ZSCAN2: variants seen among roughly 807,000 people sequenced by gnomAD.
ZSCAN2 encodes the protein zinc finger and SCAN domain-containing protein 2.
Under a neutral mutation model 47.8 loss-of-function variants are expected in ZSCAN2, and 26 were observed. The ratio of observed to expected loss-of-function variants is 0.54; its 90% confidence interval spans 0.40 to 0.75. The LOEUF (loss-of-function observed/expected upper bound fraction) is 0.75, where lower values mean the gene tolerates loss of function less well. ZSCAN2 is among the 30% of genes least tolerant of loss of function. The pLI is 0.00. For synonymous variants in ZSCAN2, 305 were observed against 288.7 expected, an observed-to-expected ratio of 1.06 and a Z score of -0.57; for missense variants, 732 against 785.4, an observed-to-expected ratio of 0.93 and a Z score of 0.81.
At chr15:84,616,391 A>G in intron 2 of ZSCAN2, 3 of 1,606,680 alleles carry the variant, frequency 1.9e-6, no homozygotes, top group Non-Finnish European at 1.7e-6. Flanking sequence ...CAAAGAAGCC[A>G]GCCCTGCTTA....
At chr15:84,617,725 C>T (rs186535198) in intron 2 of ZSCAN2, among the ~76,000 whole-genome samples, 2 of 152,250 alleles carry the variant, frequency 1.3e-5, no homozygotes, top group African/African-American at 4.8e-5. Context: ...TCACTCAAGC[C>T]CAGGACTTTG....
chr15:84,610,611 C>T (rs1468575511), intron 2 of ZSCAN2, among the ~76,000 whole-genome samples: 1 of 151,716 alleles, frequency 6.6e-6, no homozygotes, highest in Non-Finnish European at 1.5e-5. Context: ...CTCAGCCTCC[C>T]GAGTAGGTGG....
chr15:84,609,259 A>G (rs996457252), intron 2 of ZSCAN2, among the ~76,000 whole-genome samples: 6 of 151,454 alleles, frequency 4.0e-5, no homozygotes, highest in Non-Finnish European at 8.8e-5. Context: ...ATATATATAT[A>G]TACACATATA....
intron 2 of ZSCAN2, chr15:84,612,253 C>G (rs1895570950): frequency 6.6e-6 from 1 of 152,260 alleles, no homozygotes; most frequent in Non-Finnish European, 1.5e-5. Context: ...CTGTGTCTCT[C>G]TGGTCTTAGA....
intron 2 of ZSCAN2, among the ~76,000 whole-genome samples, chr15:84,618,282 G>C (rs926413930): frequency 2.6e-5 from 4 of 152,022 alleles, no homozygotes; most frequent in African/African-American, 9.7e-5. Context: ...GCTGGGCGTG[G>C]TGGTGTGCGC....
At chr15:84,609,025 A>G (rs937255761) in intron 2 of ZSCAN2, among the ~76,000 whole-genome samples, 1 of 152,222 alleles carries the variant, frequency 6.6e-6, no homozygotes, top group Non-Finnish European at 1.5e-5. Flanking sequence ...GTTGAGTGAA[A>G]GAGTCACAGC....
At position 84,622,416 on chromosome 15, in the gene ZSCAN2, A is replaced by T; in HGVS notation, c.*376A>T. The T allele has an allele frequency of 1.7e-6, 1 of 596,114 alleles. No homozygotes were observed. Among genetic ancestry groups the T allele is most frequent in the Non-Finnish European group, 3.0e-6 (1 of 329,506 alleles). 36.9% of individuals were successfully genotyped at this position (596,114 alleles called of 1,614,324 possible). On this transcript the variant is annotated 3_prime_UTR_variant, in exon 3 of 3. Coordinates refer to ENST00000546148, the MANE Select transcript of ZSCAN2 (RefSeq NM_181877.4). The stretch of plus-strand genomic sequence containing the variant: ...CACAACGTGGGCCGAGTCCTCAGAG[A>T]AATACTGGAAATCATTGGTGTGGTT...
intron 2 of ZSCAN2, among the ~76,000 whole-genome samples, chr15:84,606,070 G>T (rs1024768227): frequency 1.5e-4 from 23 of 152,240 alleles, no homozygotes; most frequent in African/African-American, 5.1e-4. Flanking sequence ...GGTGTTGGAA[G>T]TTGGGGATGC....
chr15:84,620,829 C>T lies in ZSCAN2; in HGVS notation c.634C>T (p.Leu212=), dbSNP rs1895799576. The change falls in exon 3 of 3, where the codon CTG becomes TTG. Residue 212 remains leucine, a synonymous_variant. Transcript: ENST00000546148. ...CAGGGAAGTTGGCCAGCTCATAGGC[C>T]TGCAGGGCACCTACCTAGGGGAGAA... ...QDREVGQLIG[L]QGTYLGEKPY... is the part of the protein sequence containing the mutation. The T allele has an allele frequency of 3.1e-6, 5 of 1,614,246 alleles. No homozygotes were observed. The East Asian group carries it at 1.1e-4, about 36-fold the overall frequency.
rs1895303468 is a variant in ZSCAN2 at position 84,604,201 on chromosome 15, G to A, written c.274G>A (p.Val92Ile). 6.2e-7 allele frequency: 1 copy of A among 1,613,790 alleles called. No individual in the cohort carries two copies. Among genetic ancestry groups the A allele is most frequent in the African/African-American group, 1.3e-5 (1 of 74,904 alleles). Residue 92 changes from valine (V) to isoleucine (I), a missense_variant, in exon 2 of 3, where the codon GTA (valine) becomes ATA (isoleucine). This residue lies in a region of ZSCAN2 where 320 missense variants were observed against 287.4 expected (regional missense o/e 1.11). Coordinates refer to ENST00000546148, the MANE Select transcript of ZSCAN2 (RefSeq NM_181877.4). ...ELCRRWLRPE[V>I]HTKEQMLTML... ...CTGCCGGCGCTGGCTGAGACCAGAG[G>A]TACACACCAAGGAGCAGATGTTAAC...
chr15:84,613,274 T>C (rs1274243601), intron 2 of ZSCAN2, among the ~76,000 whole-genome samples: 4 of 152,198 alleles, frequency 2.6e-5, no homozygotes, highest in African/African-American at 9.7e-5. Flanking sequence ...ATTTTGTTTA[T>C]TTGGTCTGAT....
At chr15:84,603,512 G>T (rs952595633) in intron 1 of ZSCAN2, among the ~76,000 whole-genome samples, 2 of 151,786 alleles carry the variant, frequency 1.3e-5, no homozygotes, top group African/African-American at 2.4e-5. Flanking sequence ...GGAACTACAG[G>T]CCCCCGCCAC....
rs780089820 is a variant in ZSCAN2, at chr15:84,621,963, G to A, written c.1768G>A (p.Glu590Lys). Residue 590 changes from glutamate to lysine, a missense_variant, in exon 3 of 3, where the codon GAG (glutamate) becomes AAG (lysine). Transcript: ENST00000546148. The surrounding 1 kb of genome is among the most constrained non-coding windows in gnomAD (Gnocchi z 5.7). ...TGGGGAGAAGCCCTACAAATGCCCCGAGTGTGGCAAAGGCTTCAGCAACAG... is the reference window on the plus strand; with the variant it reads ...TGGGGAGAAGCCCTACAAATGCCCCAAGTGTGGCAAAGGCTTCAGCAACAG... The part of the protein sequence containing the change: ...HTGEKPYKCP[E>K]CGKGFSNSSN... The A allele has an allele frequency of 8.3e-5, 134 of 1,614,068 alleles. No homozygotes were observed. Among genetic ancestry groups the A allele is most frequent in the Middle Eastern group, 1.6e-4 (1 of 6,084 alleles).
chr15:84,622,570 G>C lies in ZSCAN2; in HGVS notation c.*530G>C. On this transcript the variant is annotated 3_prime_UTR_variant, in exon 3 of 3. Transcript: ENST00000546148. The stretch of plus-strand genomic sequence containing the variant: ...TTCTGGCTTTGGTGTCTTGGGCTTT[G>C]ATTTCAGGTCAAGATGGAGGGGCTT... 1.4e-6 allele frequency: 1 copy of C among 715,588 alleles called. No individual in the cohort carries two copies. The highest frequency in any genetic ancestry group is 2.6e-6 in the Non-Finnish European group (1 of 384,260). The allele number at this position is 715,588 out of a possible 1,614,324, so 44.3% of individuals were successfully genotyped here. A position where few individuals can be genotyped will look rare whatever the true frequency, so the allele number is the denominator to read the frequency against.
intron 2 of ZSCAN2, among the ~76,000 whole-genome samples, chr15:84,618,374 C>T (rs762229902): frequency 1.3e-4 from 20 of 152,154 alleles, no homozygotes; most frequent in Admixed American, 5.2e-4. Context: ...GCCTAGATCT[C>T]GCCACTGCAG....
chr15:84,613,100 TTG>T (rs1247663197), intron 2 of ZSCAN2, among the ~76,000 whole-genome samples: 3 of 152,238 alleles, frequency 2.0e-5, no homozygotes, highest in Non-Finnish European at 4.4e-5. Flanking sequence ...TTATTGTATG[TTG>T]TGTCTCTTCT....
intron 1 of ZSCAN2, among the ~76,000 whole-genome samples, chr15:84,601,769 C>G (rs377606182): frequency 6.6e-6 from 1 of 152,002 alleles, no homozygotes; most frequent in Non-Finnish European, 1.5e-5. Flanking sequence ...TGGTCATGAA[C>G]TCCCGGCCTC....
intron 2 of ZSCAN2, among the ~76,000 whole-genome samples, chr15:84,606,076 G>A (rs1895372676): frequency 6.6e-6 from 1 of 152,196 alleles, no homozygotes; most frequent in Non-Finnish European, 1.5e-5. Context: ...GGAAGTTGGG[G>A]ATGCAGATGG....
intron 2 of ZSCAN2, among the ~76,000 whole-genome samples, chr15:84,619,586 A>T (rs73447297): frequency 6.6e-6 from 1 of 152,234 alleles, no homozygotes; most frequent in South Asian, 2.1e-4. Context: ...ATACAAAGTA[A>T]TGCGGTCATA....
Sources: gnomAD v4.1 joint callset for allele counts (sites outside exome capture counted in the v4.1 genomes callset) on GRCh38, gnomAD v4.1.1 for gene constraint, gnomAD v4.1.1 regional missense constraint, Gnocchi (gnomAD v3.1) non-coding constraint, MANE v1.5 for transcripts, NCBI Gene and HGNC (gene_info 2026-07-23, HGNC 2026-07-21) for gene names.